The following LIPJ variants were observed in gnomAD, a reference collection of about 807,000 sequenced individuals.
The protein encoded by LIPJ is lipase family member J.
A neutral mutation model predicts 39.8 loss-of-function variants in LIPJ; 33 were observed. That is an observed-to-expected ratio of 0.83 (90% CI 0.63 to 1.11). The LOEUF (loss-of-function observed/expected upper bound fraction) is 1.11. Ranked by LOEUF, LIPJ falls within the 50% of genes least tolerant of loss-of-function variation. LIPJ has a pLI of 0.00. For missense variants in LIPJ, 422 were observed against 427.9 expected (o/e 0.99, Z 0.12); for synonymous variants, 128 against 139.2 (o/e 0.92, Z 0.57).
chr10:88,601,502 C>T lies in LIPJ; in HGVS notation c.724-1074C>T, dbSNP rs541958446. Among the ~76,000 whole-genome samples, 106 of 152,314 alleles carry T rather than the reference C, an allele frequency of 7.0e-4. 1 individual carries two copies. The highest frequency in any genetic ancestry group is 5.8e-3 in the South Asian group (28 of 4,826). ...CTTTAGTCCAACTCTATAGCACCCA[C>T]ACAGACCGATTTCTGTTTCTTCTGC... On this transcript the variant is annotated intron_variant, in intron 8 of 10. Transcript: ENST00000371939.
At chr10:88,593,833 CA>C in intron 4 of LIPJ, 112 bp from the exon 5 acceptor site, 3 of 884,668 alleles carry the variant, frequency 3.4e-6, no homozygotes, top group Non-Finnish European at 5.1e-6. Flanking sequence ...CTTATGAAAA[CA>C]ATTTTTTAAA....
At chr10:88,582,969 G>C (rs938582793), upstream of LIPJ, 7 of 1,326,456 alleles carry the variant, frequency 5.3e-6, no homozygotes, top group Non-Finnish European at 6.2e-6. Flanking sequence ...GGAGCTGAGG[G>C]TATAGCGTTT....
chr10:88,604,545 C>T (rs577868712), intron 9 of LIPJ, among the ~76,000 whole-genome samples: 2 of 152,024 alleles, frequency 1.3e-5, no homozygotes, highest in Non-Finnish European at 2.9e-5. Context: ...TCTGAATAAA[C>T]ATATGTATAT....
At chr10:88,597,038 C>G in intron 8 of LIPJ, 102 bp downstream of exon 8, 1 of 647,520 alleles carries the variant, frequency 1.5e-6, no homozygotes, top group East Asian at 2.9e-5. Context: ...GTGTTTCATC[C>G]ACATACACTA....
intron 8 of LIPJ, 45 bp from the exon 9 acceptor site, chr10:88,602,531 T>C: frequency 7.2e-7 from 1 of 1,383,604 alleles, no homozygotes; most frequent in Non-Finnish European, 9.9e-7. Context: ...CTCTCTATGA[T>C]TCAACTTATA....
the LIPJ span, among the ~76,000 whole-genome samples, chr10:88,616,048 C>A: frequency 2.6e-5 from 4 of 152,158 alleles, no homozygotes; most frequent in South Asian, 6.2e-4. Context: ...CCCATCTCTA[C>A]AAAAAAGAAA....
At chr10:88,615,463 G>A in the LIPJ span, among the ~76,000 whole-genome samples, 10 of 151,542 alleles carry the variant, frequency 6.6e-5, no homozygotes, top group African/African-American at 2.4e-4. Context: ...TGGGGCAGGA[G>A]AATCACTTGA....
chr10:88,588,164 A>T (rs1221946345), intron 2 of LIPJ, among the ~76,000 whole-genome samples: 1 of 151,918 alleles, frequency 6.6e-6, no homozygotes, highest in Admixed American at 6.6e-5. Flanking sequence ...TGAATTGACT[A>T]TAAATAAACA....
At chr10:88,598,585 T>C (rs1851340295) in intron 8 of LIPJ, among the ~76,000 whole-genome samples, 1 of 152,008 alleles carries the variant, frequency 6.6e-6, no homozygotes, top group Non-Finnish European at 1.5e-5. Flanking sequence ...TTTCAGGGAA[T>C]GGATTCCTTC....
chr10:88,593,975 G>A (rs1418379964), exon 5 of LIPJ: 1 of 1,612,174 alleles, frequency 6.2e-7, no homozygotes, highest in African/African-American at 1.3e-5. Flanking sequence ...CTTGCAACAT[G>A]GTTTGCTTAC....
intron 4 of LIPJ, 93 bp downstream of exon 4, chr10:88,591,591 C>T (rs17109578): frequency 0.012 from 12,890 of 1,117,970 alleles, 376 homozygotes; most frequent in South Asian, 0.078. Context: ...AGAAAAGCAT[C>T]TTAAGATTAA....
exon 5 of LIPJ, chr10:88,594,034 C>A: frequency 6.2e-7 from 1 of 1,612,376 alleles, no homozygotes; most frequent in South Asian, 1.1e-5. Context: ...GTCTGGGCTT[C>A]ATTCTGGCAG....
chr10:88,596,482 A>G, intron 7 of LIPJ, 66 bp downstream of exon 7: 2 of 1,401,556 alleles, frequency 1.4e-6, no homozygotes, highest in Non-Finnish European at 9.4e-7. Flanking sequence ...TTCAAATAAG[A>G]GATCTTGACT....
At chr10:88,607,826 TAAG>T (rs1201475606), downstream of LIPJ, among the ~76,000 whole-genome samples, 3 of 152,236 alleles carry the variant, frequency 2.0e-5, no homozygotes, top group African/African-American at 4.8e-5. Flanking sequence ...GTTTATCACA[TAAG>T]AAGATTGAAA....
intron 8 of LIPJ, among the ~76,000 whole-genome samples, chr10:88,600,416 T>A (rs1416733131): frequency 6.6e-6 from 1 of 152,196 alleles, no homozygotes; most frequent in Non-Finnish European, 1.5e-5. Context: ...TAATAAATTT[T>A]AAAGTTTATA....
At chr10:88,596,313 C>G (rs1190403798) in exon 7 of LIPJ, 15 of 1,531,232 alleles carry the variant, frequency 9.8e-6, no homozygotes, top group Non-Finnish European at 1.3e-5. Flanking sequence ...TCAAAGATAG[C>G]TGAAAGAATC....
chr10:88,608,204 AAGTTCACAGTCC>A (rs1466485314), downstream of LIPJ, among the ~76,000 whole-genome samples: 5 of 152,346 alleles, frequency 3.3e-5, no homozygotes, highest in African/African-American at 1.2e-4. Context: ...AGCACTTCTG[AAGTTCACAGTCC>A]AGAGGCACAG....
rs113221120 is a variant in LIPJ at position 88,603,409 on chromosome 10, T to C, written c.795+762T>C. Among the ~76,000 whole-genome samples, 327 of 152,272 alleles carry C rather than the reference T, an allele frequency of 2.1e-3. 1 individual carries two copies. The highest frequency in any genetic ancestry group is 7.4e-3 in the African/African-American group (307 of 41,560). On this transcript the variant is annotated intron_variant, in intron 9 of 10. Transcript: ENST00000371939. ...TTTGTTCACGTTTGTATTTCCAAGGTCAACAGTTCTTAGCATATAGTAGAT... is the reference window on the plus strand; with the variant it reads ...TTTGTTCACGTTTGTATTTCCAAGGCCAACAGTTCTTAGCATATAGTAGAT...
intron 4 of LIPJ, chr10:88,592,170 C>T (rs1851102174): frequency 6.6e-6 from 1 of 151,898 alleles, no homozygotes; most frequent in South Asian, 2.1e-4. Context: ...TATTATAGGG[C>T]ATCCTCTCAA....
Sources: gnomAD v4.1 joint callset for allele counts (sites outside exome capture counted in the v4.1 genomes callset) on GRCh38, gnomAD v4.1.1 for gene constraint, MANE v1.5 for transcripts, NCBI Gene and HGNC (gene_info 2026-07-23, HGNC 2026-07-21) for gene names.